HIF3A: variants seen among roughly 807,000 people sequenced by gnomAD.
The protein encoded by HIF3A is hypoxia inducible factor 3 subunit alpha.
In HIF3A, 41 loss-of-function variants were observed where a neutral mutation model predicts 67.2. The ratio of observed to expected loss-of-function variants is 0.61; its 90% CI spans 0.48 to 0.79. The LOEUF is 0.79. Among genes scored for constraint, HIF3A ranks in the 30% least tolerant of loss-of-function variants. The pLI, the probability that HIF3A is intolerant of heterozygous loss-of-function variation, is 0.00. For synonymous variants in HIF3A, 356 were observed against 374.8 expected (o/e 0.95, Z 0.58); for missense variants, 855 against 898.0 (o/e 0.95, Z 0.61).
rs990380295 is a variant in HIF3A at position 46,330,619 on chromosome 19, GTGGA to G, written c.1713-517_1713-514del. On this transcript the variant is annotated intron_variant, in intron 12 of 14. Transcript: ENST00000377670. ...GGATTAATGGATGGATGCATGGATG[GTGGA>G]TGGATGGATGGATGGATGGTGGATG... is the stretch of plus-strand genomic sequence containing the variant. Among the ~76,000 whole-genome samples, 11 of 151,088 alleles carry G rather than the reference GTGGA, an allele frequency of 7.3e-5. No homozygotes were observed. The East Asian group carries it at 1.4e-3, about 19-fold the overall frequency.
At position 46,325,391 on chromosome 19, in the gene HIF3A, C is replaced by T. The variant is rs189126157; in HGVS notation, c.1336-144C>T. ...GTTTTGAACACCCAGGTTCAAAACTCATCTGCATTTGCCGTTGGACCCCCT... is the reference window on the plus strand; with the variant it reads ...GTTTTGAACACCCAGGTTCAAAACTTATCTGCATTTGCCGTTGGACCCCCT... On this transcript the variant is annotated intron_variant, in intron 10 of 14. Coordinates refer to ENST00000377670, the MANE Select transcript of HIF3A (RefSeq NM_152795.4). 1.1e-4 allele frequency: 74 copies of T among 650,044 alleles called. No individual in the cohort carries two copies. In the East Asian group the frequency reaches 1.9e-3, roughly 16 times the overall value. 40.3% of individuals were successfully genotyped at this position (650,044 alleles called of 1,614,324 possible). A position where few individuals can be genotyped will look rare whatever the true frequency, so the allele number is the denominator to read the frequency against.
chr19:46,297,073 A>G lies in HIF3A; in HGVS notation c.-4A>G. 1 of 1,300,364 alleles carries G rather than the reference A, an allele frequency of 7.7e-7. No individual in the cohort carries two copies. The highest frequency in any genetic ancestry group is 9.9e-7 in the Non-Finnish European group (1 of 1,015,228). 80.6% of individuals were successfully genotyped at this position (1,300,364 alleles called of 1,614,324 possible). On this transcript the variant is annotated 5_prime_UTR_variant, in exon 1 of 15. Coordinates refer to ENST00000377670, the MANE Select transcript of HIF3A (RefSeq NM_152795.4). The surrounding 1 kb of genome is among the most constrained non-coding windows in gnomAD (Gnocchi z 4.5). ...GAGGGCTCCGGAGCGGCGACTGGCG[A>G]GCCATGGCGCTGGGGCTGCAGCGCG... is the stretch of plus-strand genomic sequence containing the variant.
intron 10 of HIF3A, among the ~76,000 whole-genome samples, chr19:46,324,166 G>C (rs777510355): frequency 6.6e-6 from 1 of 152,130 alleles, no homozygotes; most frequent in Admixed American, 6.5e-5. Flanking sequence ...TACCCTGGCT[G>C]GGCAAGCAAG....
chr19:46,307,983 C>T (rs149539012), intron 3 of HIF3A, among the ~76,000 whole-genome samples: 36,398 of 107,564 alleles, frequency 0.34, 4,768 homozygotes, highest in East Asian at 0.57. Context: ...GACAGACAGA[C>T]AGACAGACAG....
intron 13 of HIF3A, among the ~76,000 whole-genome samples, chr19:46,333,296 T>G (rs924970771): frequency 7.2e-5 from 11 of 151,848 alleles, no homozygotes; most frequent in African/African-American, 2.7e-4. Context: ...TTGAAAAAGG[T>G]GTTAACATAG....
At chr19:46,337,404 G>A (rs1971706218) in intron 14 of HIF3A, among the ~76,000 whole-genome samples, 1 of 152,026 alleles carries the variant, frequency 6.6e-6, no homozygotes, top group Admixed American at 6.6e-5. Flanking sequence ...TTGTAGCTGG[G>A]ACTACAAGTG....
rs1281563233 is a variant in HIF3A, at chr19:46,315,069, G to C, written c.1025+2416G>C. 5.6e-5 allele frequency among the ~76,000 whole-genome samples: 2 copies of C among 35,468 alleles called. 1 individual carries two copies. Among genetic ancestry groups the C allele is most frequent in the African/African-American group, 1.4e-4 (2 of 13,794 alleles). 23.3% of individuals were successfully genotyped at this position (35,468 alleles called of 152,430 possible). On this transcript the variant is annotated intron_variant, in intron 8 of 14. Coordinates refer to ENST00000377670, the MANE Select transcript of HIF3A (RefSeq NM_152795.4). ...CTCCATGTTGTGGTTTTTCTTTCTT[G>C]GTTTTTTTGTTTTGTTTTTGAGACA...
At chr19:46,321,397 A>G (rs1843278566) in intron 9 of HIF3A, among the ~76,000 whole-genome samples, 1 of 152,176 alleles carries the variant, frequency 6.6e-6, no homozygotes. Context: ...CAGCCTGGCC[A>G]ACATGGTGAA....
chr19:46,307,859 G>A (rs759296), intron 3 of HIF3A, among the ~76,000 whole-genome samples: 15,383 of 152,134 alleles, frequency 0.1, 1,089 homozygotes, highest in East Asian at 0.27. Context: ...CCAGGAGGTT[G>A]AGGCTGCAGG....
intron 7 of HIF3A, 48 bp from the exon 8 acceptor site, chr19:46,312,455 TCCC>T: frequency 6.3e-7 from 1 of 1,583,244 alleles, no homozygotes. Context: ...GATATTTCTC[TCCC>T]CATTTGCCCC....
At chr19:46,328,495 C>T (rs1970951393) in intron 11 of HIF3A, among the ~76,000 whole-genome samples, 1 of 152,204 alleles carries the variant, frequency 6.6e-6, no homozygotes, top group Non-Finnish European at 1.5e-5. Flanking sequence ...AATCAGGCAG[C>T]CCCTTCAACA....
At chr19:46,305,457 G>C in intron 3 of HIF3A, 67 bp downstream of exon 3, 1 of 1,491,508 alleles carries the variant, frequency 6.7e-7, no homozygotes. Flanking sequence ...GTGGTGACCA[G>C]GACAGCCATA....
At chr19:46,303,493 C>G in intron 1 of HIF3A, 2 of 791,448 alleles carry the variant, frequency 2.5e-6, no homozygotes, top group Non-Finnish European at 2.0e-6. Context: ...GTAGGCCTCT[C>G]CTTCGTGGGC....
At chr19:46,332,116 G>A (rs1417526532) in intron 13 of HIF3A, among the ~76,000 whole-genome samples, 14 of 152,148 alleles carry the variant, frequency 9.2e-5, no homozygotes, top group African/African-American at 3.1e-4. Flanking sequence ...ACGTCACCAC[G>A]TGGAGCCTCA....
At chr19:46,312,305 C>T in intron 7 of HIF3A, 38 bp downstream of exon 7, 1 of 1,613,780 alleles carries the variant, frequency 6.2e-7, no homozygotes, top group African/African-American at 1.3e-5. Context: ...AGCCAGCTGC[C>T]ACATGGCCCC....
In HIF3A at chr19:46,322,230, G is replaced by A. The variant is rs188895376; in HGVS notation, c.1335+264G>A. Among the ~76,000 whole-genome samples the A allele has an allele frequency of 3.8e-3, 582 of 152,124 alleles. 6 individuals carry two copies. The highest frequency in any genetic ancestry group is 6.4e-3 in the Non-Finnish European group (436 of 68,004). On this transcript the variant is annotated intron_variant, in intron 10 of 14. Coordinates refer to ENST00000377670, the MANE Select transcript of HIF3A (RefSeq NM_152795.4). ...CTGCTCTCCTAATAATGCAACAATC[G>A]TCAACACAGAAGAAGACTTCTGTGA...
At chr19:46,336,081 CTCT>C (rs1971588291) in intron 14 of HIF3A, among the ~76,000 whole-genome samples, 1 of 138,494 alleles carries the variant, frequency 7.2e-6, no homozygotes, top group African/African-American at 2.7e-5. Flanking sequence ...TTCTCTCTCT[CTCT>C]CTTTTTTTTT....
intron 14 of HIF3A, among the ~76,000 whole-genome samples, chr19:46,337,500 C>G (rs1971716006): frequency 1.3e-5 from 2 of 152,150 alleles, no homozygotes; most frequent in African/African-American, 4.8e-5. Flanking sequence ...AACTCCTGGG[C>G]TCAAGTGATC....
intron 8 of HIF3A, among the ~76,000 whole-genome samples, chr19:46,320,025 T>G (rs1362947980): frequency 6.6e-6 from 1 of 151,792 alleles, no homozygotes; most frequent in Non-Finnish European, 1.5e-5. Flanking sequence ...AGGTCAGGAG[T>G]TCGAGACCAG....
Sources: allele counts gnomAD v4.1 joint callset (sites outside exome capture counted in the v4.1 genomes callset), GRCh38; gene constraint gnomAD v4.1.1; non-coding constraint Gnocchi (gnomAD v3.1); transcripts MANE v1.5; gene names NCBI Gene and HGNC (gene_info 2026-07-23, HGNC 2026-07-21).